The following ZNF888 variants were observed in gnomAD, a reference collection of about 807,000 sequenced individuals.
ZNF888 encodes CTD-2331H12.6.
ZNF888 carries 5 observed loss-of-function variants against 7.2 expected under a neutral mutation model. The ratio of observed to expected loss-of-function variants is 0.70; its 90% confidence interval spans 0.36 to 1.46. The LOEUF (loss-of-function observed/expected upper bound fraction) is 1.46, where lower values mean the gene tolerates loss of function less well. Among genes scored for constraint, ZNF888 ranks in the 40% most tolerant of loss-of-function variants. The pLI is 0.03. For missense variants in ZNF888, 716 were observed against 858.0 expected (o/e 0.83, Z 2.07); for synonymous variants, 240 against 284.3 (o/e 0.84, Z 1.57).
intron 3 of ZNF888, 41 bp downstream of exon 3, chr19:52,917,818 A>C (rs762125893): frequency 3.1e-6 from 5 of 1,613,080 alleles, no homozygotes; most frequent in Non-Finnish European, 4.2e-6. Context: ...GCATTTCTGA[A>C]AGGAAGGAGA....
rs564244455 is a variant in ZNF888, at chr19:52,919,688, C to T, written c.-177-751G>A. On this transcript the variant is annotated intron_variant, in intron 1 of 4. Transcript: ENST00000638862. ...TAGGAAGCGAGGAGCGCCTCTTCCCCGCCGCCATCCCATCTAGGAAGTGAG... is the reference window on the plus strand; with the variant it reads ...TAGGAAGCGAGGAGCGCCTCTTCCCTGCCGCCATCCCATCTAGGAAGTGAG... 8.0e-5 allele frequency among the ~76,000 whole-genome samples: 5 copies of T among 62,272 alleles called. 1 individual carries two copies. In the East Asian group the frequency reaches 1.3e-3, roughly 16 times the overall value. 40.9% of individuals were successfully genotyped at this position (62,272 alleles called of 152,430 possible).
intron 1 of ZNF888, among the ~76,000 whole-genome samples, chr19:52,921,015 C>T (rs1230776544): frequency 6.8e-6 from 1 of 147,848 alleles, no homozygotes; most frequent in Non-Finnish European, 1.5e-5. Flanking sequence ...ACCTGAGTAA[C>T]GTGATAGAGA....
chr19:52,917,980 A>C (rs1249372190), intron 2 of ZNF888, 49 bp from the exon 3 acceptor site: 4 of 1,588,830 alleles, frequency 2.5e-6, no homozygotes, highest in Non-Finnish European at 3.4e-6. Flanking sequence ...TATTGCTCAG[A>C]GTCAACATAC....
chr19:52,914,436 G>A, intron 4 of ZNF888: 1 of 794,198 alleles, frequency 1.3e-6, no homozygotes, highest in Non-Finnish European at 1.5e-6. Flanking sequence ...GGACCATGAA[G>A]TGCTGGAGCT....
intron 3 of ZNF888, 101 bp downstream of exon 3, chr19:52,917,758 G>T: frequency 6.3e-7 from 1 of 1,587,960 alleles, no homozygotes; most frequent in Non-Finnish European, 8.6e-7. Flanking sequence ...GAGCAAACCT[G>T]TCACGCAGGA....
chr19:52,917,605 C>T (rs1354947839), intron 3 of ZNF888, among the ~76,000 whole-genome samples: 1 of 152,138 alleles, frequency 6.6e-6, no homozygotes, highest in Non-Finnish European at 1.5e-5. Flanking sequence ...ATAGGACCCT[C>T]ACCCCGTCTC....
chr19:52,904,971 G>A lies in ZNF888; in HGVS notation c.*1194C>T, dbSNP rs1048540504. ...AGAAAATTTAAAAACACTTCCATTT[G>A]CTAGAGAACTTAAAGTAAGAAATAC... On this transcript the variant is annotated 3_prime_UTR_variant, in exon 5 of 5. Transcript: ENST00000638862. 1 of 152,742 alleles carries A rather than the reference G, an allele frequency of 6.5e-6. No homozygotes were observed. The highest frequency in any genetic ancestry group is 2.1e-4 in the South Asian group (1 of 4,822). 9.5% of individuals were successfully genotyped at this position (152,742 alleles called of 1,614,324 possible).
intron 4 of ZNF888, among the ~76,000 whole-genome samples, chr19:52,911,592 C>A (rs1050030355): frequency 6.6e-6 from 1 of 151,698 alleles, no homozygotes; most frequent in Non-Finnish European, 1.5e-5. Flanking sequence ...CCCACCTTGG[C>A]CTCCCAAAGT....
intron 4 of ZNF888, among the ~76,000 whole-genome samples, chr19:52,909,071 G>A (rs1255187996): frequency 1.3e-5 from 2 of 150,522 alleles, no homozygotes; most frequent in Non-Finnish European, 3.0e-5. Flanking sequence ...CTTGAACCCG[G>A]GAGGCGAAGA....
chr19:52,915,651 A>G (rs2064737204), intron 3 of ZNF888, among the ~76,000 whole-genome samples: 1 of 151,582 alleles, frequency 6.6e-6, no homozygotes. Context: ...ATTTTTTTGT[A>G]TTTTTAGTAG....
chr19:52,918,403 G>A (rs2147936844), intron 2 of ZNF888, among the ~76,000 whole-genome samples: 1 of 152,338 alleles, frequency 6.6e-6, no homozygotes, highest in Non-Finnish European at 1.5e-5. Flanking sequence ...GGAAGCTGAG[G>A]TGGAAGGATC....
chr19:52,906,822 G>A lies in ZNF888; in HGVS notation c.1500C>T (p.Asp500=). 1 of 1,613,610 alleles carries A rather than the reference G, an allele frequency of 6.2e-7. No homozygotes were observed. Among genetic ancestry groups the A allele is most frequent in the Non-Finnish European group, 8.5e-7 (1 of 1,179,806 alleles). The change falls in exon 5 of 5, where the codon GAC becomes GAT. Residue 500 remains aspartate (D), a synonymous_variant. Transcript: ENST00000638862. ...GGTGTGAATCACGTCTGAAAGCCTT[G>A]TCACAAACCTTACATTTGTATGGTT... ...GEKPYKCKVC[D]KAFRRDSHLA...
chr19:52,921,033 G>A (rs946318316), intron 1 of ZNF888, among the ~76,000 whole-genome samples: 1 of 152,006 alleles, frequency 6.6e-6, no homozygotes, highest in East Asian at 1.9e-4. Flanking sequence ...AGACTGATGG[G>A]CAGAGGGAAC....
chr19:52,908,033 C>G lies in ZNF888; in HGVS notation c.289G>C (p.Val97Leu). The change falls in exon 5 of 5, where the codon GTG becomes CTG. Residue 97 changes from valine (V) to leucine (L), a missense_variant. By Grantham distance (32) the Val-to-Leu change is conservative (BLOSUM62 1). Coordinates refer to ENST00000638862, the MANE Select transcript of ZNF888 (RefSeq NM_001393938.1). ...GTTTCATCTTCTTGCCACTGAAACA[C>G]AAAGTCATGAATGTCTTTCTCAATT... Reference protein sequence around the residue: ...QEIEKDIHDFVFQWQEDETNG... With the variant: ...QEIEKDIHDFLFQWQEDETNG... 1 of 1,614,140 alleles carries G rather than the reference C, an allele frequency of 6.2e-7. No homozygotes were observed. The highest frequency in any genetic ancestry group is 1.1e-5 in the South Asian group (1 of 91,078).
intron 4 of ZNF888, among the ~76,000 whole-genome samples, chr19:52,914,078 T>C (rs1239081119): frequency 2.6e-5 from 4 of 152,254 alleles, no homozygotes; most frequent in African/African-American, 4.8e-5. Context: ...TTAGCCAAAA[T>C]TGCACCACTG....
chr19:52,916,991 T>C lies in ZNF888; in HGVS notation c.15+868A>G, dbSNP rs546217954. The stretch of plus-strand genomic sequence containing the variant: ...CTCTAGAATAAAAAAAAAGTACTGC[T>C]CCCATATTTGAGAAAAATTGTAATC... On this transcript the variant is annotated intron_variant, in intron 3 of 4. Coordinates refer to ENST00000638862, the MANE Select transcript of ZNF888 (RefSeq NM_001393938.1). Among the ~76,000 whole-genome samples, 25 of 152,230 alleles carry C rather than the reference T, an allele frequency of 1.6e-4. No homozygotes were observed. In the South Asian group the frequency reaches 3.3e-3, roughly 20 times the overall value.
rs1244054478 is a variant in ZNF888 at position 52,919,601 on chromosome 19, G to A, written c.-177-664C>T. On this transcript the variant is annotated intron_variant, in intron 1 of 4. Coordinates refer to ENST00000638862, the MANE Select transcript of ZNF888 (RefSeq NM_001393938.1). ...CCACCCCATCTGGGAAGTGAGGAGC[G>A]TCTCTGCCTGGCTGCCCAGTCTGGA... Among the ~76,000 whole-genome samples, 6 of 70,552 alleles carry A rather than the reference G, an allele frequency of 8.5e-5. 2 individuals are homozygous for A. Among genetic ancestry groups the A allele is most frequent in the African/African-American group, 2.7e-4 (6 of 22,382 alleles). 46.3% of individuals were successfully genotyped at this position (70,552 alleles called of 152,430 possible).
Position 52,907,934 on chromosome 19 carries a change from C to A in ZNF888, c.388G>T (p.Ala130Ser), listed in dbSNP as rs1030592897. Residue 130 changes from alanine to serine, a missense_variant, in exon 5 of 5, where the codon GCT (alanine) becomes TCT (serine). Coordinates refer to ENST00000638862, the MANE Select transcript of ZNF888 (RefSeq NM_001393938.1). The stretch of plus-strand genomic sequence containing the variant: ...TGATATTTAATAGGCTTGTTTCCAG[C>A]ATGCCTTTGATCATATTGGTCTGTA... ...GSTDQYDQRH[A>S]GNKPIKYQLG... 6 of 1,614,026 alleles carry A rather than the reference C, an allele frequency of 3.7e-6. No homozygotes were observed. The highest frequency in any genetic ancestry group is 5.1e-6 in the Non-Finnish European group (6 of 1,180,030).
At chr19:52,911,400 A>G (rs751872980) in intron 4 of ZNF888, among the ~76,000 whole-genome samples, 115 of 148,276 alleles carry the variant, frequency 7.8e-4, no homozygotes, top group East Asian at 2.5e-3. Flanking sequence ...GTGCAGTGGC[A>G]TGATCTCAGC....
Sources: allele counts gnomAD v4.1 joint callset (sites outside exome capture counted in the v4.1 genomes callset), GRCh38; gene constraint gnomAD v4.1.1; transcripts MANE v1.5; gene names NCBI Gene and HGNC (gene_info 2026-07-23, HGNC 2026-07-21).